Variants in EMG1 observed in about 807,000 individuals in gnomAD.
The protein encoded by EMG1 is EMG1 N1-specific pseudouridine methyltransferase.
EMG1 carries 24 observed loss-of-function variants against 26.9 expected under a neutral mutation model. The observed-to-expected ratio is 0.89, with a 90% CI of 0.65 to 1.26. EMG1 has a LOEUF of 1.26. Among genes scored for constraint, EMG1 ranks in the 50% most tolerant of loss-of-function variants. The pLI, the probability that EMG1 is intolerant of heterozygous loss-of-function variation, is 0.00. For synonymous variants in EMG1, 140 were observed against 112.6 expected (o/e 1.24, Z -1.54); for missense variants, 299 against 307.6 (o/e 0.97, Z 0.21).
chr12:6,989,525 C>G (rs782413982), downstream of EMG1, among the ~76,000 whole-genome samples: 2 of 152,130 alleles, frequency 1.3e-5, no homozygotes, highest in South Asian at 2.1e-4. Context: ...GTCTCGATCT[C>G]CTGACCTCGT....
chr12:6,992,150 T>C (rs113779631), downstream of EMG1, among the ~76,000 whole-genome samples: 1,805 of 151,790 alleles, frequency 0.012, 35 homozygotes, highest in African/African-American at 0.04. Flanking sequence ...TGAAACCCCA[T>C]CTCTAAAAAC....
rs998401187 is a variant in EMG1 at position 6,986,066 on chromosome 12, C to T, written c.*155-1716C>T. ...CTAGGATTACAGGCGTGAGCCACCA[C>T]GCCCGGCCAACTGGTGTTTTTTTTT... On this transcript the variant is annotated intron_variant and NMD_transcript_variant, in intron 6 of 7. Coordinates refer to the EMG1 transcript ENST00000261406. Among the ~76,000 whole-genome samples, 8 of 152,046 alleles carry T rather than the reference C, an allele frequency of 5.3e-5. No homozygotes were observed. In the South Asian group the frequency reaches 1.2e-3, roughly 24 times the overall value.
At chr12:6,982,834 G>T, downstream of EMG1, 1 of 1,203,458 alleles carries the variant, frequency 8.3e-7, no homozygotes, top group Non-Finnish European at 1.2e-6. Context: ...CCACCGTCCT[G>T]AGACTTCCAA....
chr12:6,983,182 A>G, downstream of EMG1: 1 of 460,234 alleles, frequency 2.2e-6, no homozygotes, highest in Non-Finnish European at 4.0e-6. Flanking sequence ...CAGCACAGAG[A>G]AACTGAGGAT....
Position 6,974,397 on chromosome 12 carries a change from A to G in EMG1, c.227A>G (p.Asn76Ser), listed in dbSNP as rs1555152709. 6.2e-7 allele frequency: 1 copy of G among 1,613,776 alleles called. No homozygotes were observed. The highest frequency in any genetic ancestry group is 1.3e-5 in the African/African-American group (1 of 74,922). Residue 76 changes from asparagine (N) to serine (S), a missense_variant, in exon 2 of 6, where the codon AAT becomes AGT. Asn to Ser is a conservative substitution (Grantham distance 46). Coordinates refer to ENST00000599672, the MANE Select transcript of EMG1 (RefSeq NM_006331.8). ...CDKHKSILLK[N>S]GRDPGEARPD... is the part of the protein sequence containing the mutation. ...AAGCACAAGTCTATATTGTTGAAGA[A>G]TGGACGGGACCCTGGGGAAGCGCGG...
chr12:6,978,513 AG>A lies in EMG1; in HGVS notation c.*2707del. On this transcript the variant is annotated 3_prime_UTR_variant, in exon 6 of 6. Coordinates refer to ENST00000599672, the MANE Select transcript of EMG1 (RefSeq NM_006331.8). ...GTCAAAATGCATACTCCTTCCTGAGAGGGAATAGCTCAGTTAGGGCTCTTGC... is the reference window on the plus strand; with the variant it reads ...GTCAAAATGCATACTCCTTCCTGAGAGGAATAGCTCAGTTAGGGCTCTTGC... 6.2e-7 allele frequency: 1 copy of A among 1,612,196 alleles called. No individual in the cohort carries two copies. The highest frequency in any genetic ancestry group is 8.5e-7 in the Non-Finnish European group (1 of 1,178,512).
chr12:6,981,000 T>C (rs782362602), downstream of EMG1: 1 of 1,582,700 alleles, frequency 6.3e-7, no homozygotes, highest in Non-Finnish European at 8.6e-7. Flanking sequence ...AGAGGGGCAA[T>C]TACCTGTTTG....
At chr12:6,997,012 A>G (rs1480695569) in intron 7 of EMG1, among the ~76,000 whole-genome samples, 4 of 107,232 alleles carry the variant, frequency 3.7e-5, no homozygotes, top group South Asian at 2.5e-4. Flanking sequence ...ATAAATGGGA[A>G]AAAAAAAATC....
At chr12:6,972,023 G>A (rs1269571997) in intron 1 of EMG1, among the ~76,000 whole-genome samples, 1 of 150,744 alleles carries the variant, frequency 6.6e-6, no homozygotes, top group Non-Finnish European at 1.5e-5. Flanking sequence ...AATCGCATTG[G>A]TTTAGAAGTC....
intron 1 of EMG1, among the ~76,000 whole-genome samples, chr12:6,974,105 T>C (rs1167665936): frequency 6.6e-6 from 1 of 152,234 alleles, no homozygotes; most frequent in Non-Finnish European, 1.5e-5. Flanking sequence ...CCTGTTTCCC[T>C]CTCAGACCAT....
chr12:6,992,240 G>A (rs73264636), downstream of EMG1, among the ~76,000 whole-genome samples: 3,490 of 151,978 alleles, frequency 0.023, 118 homozygotes, highest in African/African-American at 0.073. Context: ...GGAGGCTGAG[G>A]TAGCATCACC....
At chr12:6,972,099 C>T (rs1223651107) in intron 1 of EMG1, among the ~76,000 whole-genome samples, 1 of 140,092 alleles carries the variant, frequency 7.1e-6, no homozygotes, top group Non-Finnish European at 1.5e-5. Context: ...GATGGAGTCT[C>T]AGTCTCTACC....
At chr12:6,995,797 A>G (rs1428299273) in intron 7 of EMG1, among the ~76,000 whole-genome samples, 1 of 152,080 alleles carries the variant, frequency 6.6e-6, no homozygotes, top group Non-Finnish European at 1.5e-5. Flanking sequence ...TGTCTGTTCT[A>G]CCTTCAAAAT....
rs1370335877 is a variant in EMG1 at position 6,978,509 on chromosome 12, TGA to T, written c.*2704_*2705del. 1.2e-6 allele frequency: 2 copies of T among 1,612,446 alleles called. No homozygotes were observed. The highest frequency in any genetic ancestry group is 1.7e-6 in the Non-Finnish European group (2 of 1,178,690). On this transcript the variant is annotated 3_prime_UTR_variant, in exon 6 of 6. Transcript: ENST00000599672. ...GCCCGTCAAAATGCATACTCCTTCC[TGA>T]GAGGGAATAGCTCAGTTAGGGCTCT...
intron 3 of EMG1, 178 bp from the exon 4 acceptor site, chr12:6,974,912 C>T: frequency 2.5e-6 from 2 of 804,618 alleles, no homozygotes; most frequent in Non-Finnish European, 2.1e-6. Flanking sequence ...AGTCTGAACC[C>T]ATCACTGTAC....
intron 1 of EMG1, among the ~76,000 whole-genome samples, chr12:6,973,161 T>C (rs782126651): frequency 1.3e-5 from 2 of 152,154 alleles, no homozygotes; most frequent in Admixed American, 1.3e-4. Flanking sequence ...ATTCCATCTG[T>C]ACCTTTGCTC....
At chr12:6,974,472 G>A (rs782180735) in intron 2 of EMG1, 32 bp downstream of exon 2, 11 of 1,608,194 alleles carry the variant, frequency 6.8e-6, no homozygotes, top group Non-Finnish European at 8.5e-6. Flanking sequence ...ACAACCCTTT[G>A]AGCCTCTGTA....
intron 7 of EMG1, among the ~76,000 whole-genome samples, chr12:6,996,774 A>G (rs929407800): frequency 4.6e-5 from 7 of 152,224 alleles, no homozygotes; most frequent in Non-Finnish European, 8.8e-5. Flanking sequence ...GGAATAGCCA[A>G]TGTTGTAGAG....
At chr12:6,981,616 G>A (rs1946471931), downstream of EMG1, 3 of 1,609,820 alleles carry the variant, frequency 1.9e-6, no homozygotes, top group South Asian at 3.3e-5. Context: ...CTCCGTCAAA[G>A]TAGTCAACAG....
Sources: gnomAD v4.1 joint callset for allele counts (sites outside exome capture counted in the v4.1 genomes callset) on GRCh38, gnomAD v4.1.1 for gene constraint, MANE v1.5 for transcripts, NCBI Gene and HGNC (gene_info 2026-07-23, HGNC 2026-07-21) for gene names.